Variants in PIK3CB observed in about 807,000 individuals in gnomAD.
PIK3CB encodes phosphatidylinositol 4,5-bisphosphate 3-kinase catalytic subunit beta isoform.
PIK3CB carries 39 observed loss-of-function variants against 136.8 expected under a neutral mutation model. The ratio of observed to expected loss-of-function variants is 0.29; its 90% CI spans 0.22 to 0.37. PIK3CB has a LOEUF of 0.37. PIK3CB is among the 10% of genes least tolerant of loss of function. The pLI is 1.00. For synonymous variants in PIK3CB, 428 were observed against 436.6 expected, an observed-to-expected ratio of 0.98 and a Z score of 0.25; for missense variants, 868 against 1,275.4, an observed-to-expected ratio of 0.68 and a Z score of 4.87.
chr3:138,682,140 TAAC>T, intron 18 of PIK3CB, 95 bp from the exon 19 acceptor site: 1 of 702,762 alleles, frequency 1.4e-6, no homozygotes, highest in Non-Finnish European at 2.5e-6. Context: ...CTAAAAACAT[TAAC>T]AAACTCTGTG....
chr3:138,759,402 A>G, intron 2 of PIK3CB, 43 bp from the exon 3 acceptor site: 3 of 1,358,836 alleles, frequency 2.2e-6, no homozygotes, highest in Non-Finnish European at 3.1e-6. Flanking sequence ...ACCATCAGCC[A>G]AATTTTATAC....
At chr3:138,734,476 G>A (rs1432195531) in intron 7 of PIK3CB, among the ~76,000 whole-genome samples, 158 bp downstream of exon 7, 1 of 152,068 alleles carries the variant, frequency 6.6e-6, no homozygotes, top group African/African-American at 2.4e-5. Flanking sequence ...ATAGTATCTA[G>A]AAAGATAATT....
intron 1 of PIK3CB, among the ~76,000 whole-genome samples, chr3:138,820,720 C>T (rs2108899419): frequency 6.6e-6 from 1 of 152,210 alleles, no homozygotes; most frequent in South Asian, 2.1e-4. Flanking sequence ...TCTAGAACTA[C>T]TGACTTCAGA....
chr3:138,767,738 G>A (rs888144128), intron 2 of PIK3CB, among the ~76,000 whole-genome samples: 3 of 152,152 alleles, frequency 2.0e-5, no homozygotes, highest in Non-Finnish European at 4.4e-5. Context: ...AGCTCTCCCT[G>A]AGGCTACGGC....
intron 4 of PIK3CB, among the ~76,000 whole-genome samples, chr3:138,746,637 G>C (rs1352138947): frequency 6.6e-6 from 1 of 151,690 alleles, no homozygotes; most frequent in African/African-American, 2.4e-5. Context: ...CTCCAGCCTG[G>C]GTGACAGAGT....
intron 2 of PIK3CB, among the ~76,000 whole-genome samples, chr3:138,768,499 C>T (rs2045761786): frequency 1.3e-5 from 2 of 152,220 alleles, no homozygotes. Context: ...GGAAAAGGCA[C>T]AAGTTCCCAC....
At chr3:138,819,641 A>G (rs925834177) in intron 1 of PIK3CB, among the ~76,000 whole-genome samples, 1 of 152,164 alleles carries the variant, frequency 6.6e-6, no homozygotes, top group Non-Finnish European at 1.5e-5. Flanking sequence ...AGATTTTTAT[A>G]TAATTCGTAT....
intron 13 of PIK3CB, among the ~76,000 whole-genome samples, chr3:138,697,934 T>C (rs574039003): frequency 6.6e-6 from 1 of 152,130 alleles, no homozygotes; most frequent in East Asian, 1.9e-4. Context: ...GGTTTCACCA[T>C]GTTGCCCAGG....
Position 138,714,632 on chromosome 3 carries a change from T to C in PIK3CB, c.1138A>G (p.Ile380Val). The change falls in exon 9 of 24, where the codon ATT becomes GTT. Residue 380 changes from isoleucine (I) to valine (V), a missense_variant. By Grantham distance (29) the Ile-to-Val change is conservative (BLOSUM62 3). Coordinates refer to ENST00000674063, the MANE Select transcript of PIK3CB (RefSeq NM_006219.3). The part of the protein sequence containing the change: ...SSEVSGKNDH[I>V]WNEPLEFDIN... ...TCAAATTCCAGTGGTTCATTCCAAA[T>C]ATGATCATTTTTCCCTGATACCTCT... The C allele has an allele frequency of 6.2e-7, 1 of 1,613,188 alleles. No individual in the cohort carries two copies. Among genetic ancestry groups the C allele is most frequent in the Non-Finnish European group, 8.5e-7 (1 of 1,179,158 alleles).
intron 14 of PIK3CB, 119 bp downstream of exon 14, chr3:138,694,667 C>T (rs1040147683): frequency 3.3e-5 from 35 of 1,076,336 alleles, no homozygotes; most frequent in Non-Finnish European, 4.3e-5. Flanking sequence ...TGAGCAAATG[C>T]TTTGAACTGT....
At chr3:138,698,751 G>A (rs895307656) in intron 13 of PIK3CB, among the ~76,000 whole-genome samples, 156 bp downstream of exon 13, 6 of 152,092 alleles carry the variant, frequency 3.9e-5, no homozygotes, top group African/African-American at 1.4e-4. Context: ...AAATGTTCTG[G>A]TCCATTACTT....
chr3:138,752,740 A>G (rs1398850517), intron 4 of PIK3CB, among the ~76,000 whole-genome samples: 1 of 152,070 alleles, frequency 6.6e-6, no homozygotes, highest in African/African-American at 2.4e-5. Flanking sequence ...AATTAAATTC[A>G]TTAGTCTAAT....
intron 5 of PIK3CB, among the ~76,000 whole-genome samples, chr3:138,738,179 T>TA (rs2045154247): frequency 1.4e-5 from 2 of 146,982 alleles, no homozygotes; most frequent in East Asian, 3.9e-4. Context: ...ACATCTCATC[T>TA]TTTTTTTTTT....
At chr3:138,656,302 G>A (rs773233694) in intron 22 of PIK3CB, 28 bp from the exon 23 acceptor site, 2 of 1,613,510 alleles carry the variant, frequency 1.2e-6, no homozygotes, top group South Asian at 2.2e-5. Flanking sequence ...AACCACATGA[G>A]CACAGTGTTA....
At chr3:138,779,388 CTTT>C (rs753018315) in intron 2 of PIK3CB, among the ~76,000 whole-genome samples, 3 of 112,044 alleles carry the variant, frequency 2.7e-5, no homozygotes, top group Non-Finnish European at 3.4e-5. Context: ...GCCCGGCCTT[CTTT>C]TTTTTTTTTT....
At chr3:138,671,157 C>A (rs886616855) in intron 19 of PIK3CB, among the ~76,000 whole-genome samples, 2 of 152,064 alleles carry the variant, frequency 1.3e-5, no homozygotes, top group African/African-American at 2.4e-5. Context: ...TTGTTTAAAA[C>A]CTCTAGCATT....
At chr3:138,713,168 T>C (rs914419868) in intron 9 of PIK3CB, among the ~76,000 whole-genome samples, 1 of 151,652 alleles carries the variant, frequency 6.6e-6, no homozygotes. Context: ...TAAAAGTTAT[T>C]TTACTTTTAG....
intron 8 of PIK3CB, among the ~76,000 whole-genome samples, chr3:138,726,526 T>C (rs1236138203): frequency 1.3e-5 from 2 of 152,170 alleles, no homozygotes; most frequent in African/African-American, 2.4e-5. Context: ...ACCGTTGCTA[T>C]TGCCACAATA....
chr3:138,738,324 A>C (rs1050097713), intron 5 of PIK3CB, among the ~76,000 whole-genome samples: 1 of 152,062 alleles, frequency 6.6e-6, no homozygotes, highest in Non-Finnish European at 1.5e-5. Context: ...GGCGTGCACC[A>C]CCACGCCTGG....
Sources: allele counts gnomAD v4.1 joint callset (sites outside exome capture counted in the v4.1 genomes callset), GRCh38; gene constraint gnomAD v4.1.1; transcripts MANE v1.5; gene names NCBI Gene and HGNC (gene_info 2026-07-23, HGNC 2026-07-21).